Variants in SLC26A7 observed in about 807,000 individuals in gnomAD.
The protein encoded by SLC26A7 is solute carrier family 26 member 7.
In SLC26A7, 59 loss-of-function variants were observed where a neutral mutation model predicts 82.5. That is an observed-to-expected ratio of 0.72 (90% confidence interval 0.58 to 0.89). The LOEUF (loss-of-function observed/expected upper bound fraction) is 0.89, where lower values mean the gene tolerates loss of function less well. Among genes scored for constraint, SLC26A7 ranks in the 40% least tolerant of loss-of-function variants. The probability of loss-of-function intolerance (pLI) is 0.00; values close to 1 mark genes in which losing one functional copy is unlikely to be tolerated. For synonymous variants in SLC26A7, 271 were observed against 274.3 expected (o/e 0.99, Z 0.12); for missense variants, 820 against 793.0 (o/e 1.03, Z -0.41).
chr8:91,254,175 T>G (rs928615490), intron 2 of SLC26A7, among the ~76,000 whole-genome samples: 2 of 152,092 alleles, frequency 1.3e-5, no homozygotes, highest in African/African-American at 2.4e-5. Context: ...GAATAGTTTA[T>G]ATAAAAGTCC....
At chr8:91,220,367 G>GT (rs1255836831) in intron 2 of SLC26A7, among the ~76,000 whole-genome samples, 6 of 150,436 alleles carry the variant, frequency 4.0e-5, no homozygotes, top group South Asian at 2.1e-4. Context: ...AAGTGTTTTT[G>GT]TTTTTTTTCT....
intron 2 of SLC26A7, among the ~76,000 whole-genome samples, chr8:91,223,881 T>C (rs1810198249): frequency 6.6e-6 from 1 of 152,030 alleles, no homozygotes; most frequent in African/African-American, 2.4e-5. Flanking sequence ...TCCTTTTTAT[T>C]CTTTTTTTCT....
chr8:91,303,920 A>G (rs931078016), intron 4 of SLC26A7, among the ~76,000 whole-genome samples: 14 of 152,186 alleles, frequency 9.2e-5, no homozygotes, highest in African/African-American at 3.1e-4. Flanking sequence ...CTGTTTTACA[A>G]CCATTACAGC....
intron 2 of SLC26A7, among the ~76,000 whole-genome samples, chr8:91,227,812 A>G (rs544883492): frequency 2.0e-5 from 3 of 152,286 alleles, no homozygotes; most frequent in East Asian, 3.9e-4. Context: ...AGCTTCTTAC[A>G]TCTCCAGAAT....
intron 2 of SLC26A7, among the ~76,000 whole-genome samples, chr8:91,236,085 G>A (rs920000279): frequency 2.0e-5 from 3 of 152,112 alleles, no homozygotes; most frequent in Non-Finnish European, 2.9e-5. Flanking sequence ...AACAGACACT[G>A]GTCCCCAATT....
At chr8:91,321,576 A>G (rs1812791478) in intron 5 of SLC26A7, among the ~76,000 whole-genome samples, 1 of 152,190 alleles carries the variant, frequency 6.6e-6, no homozygotes, top group Non-Finnish European at 1.5e-5. Flanking sequence ...AATAACTGTC[A>G]TGACCCTACT....
intron 4 of SLC26A7, among the ~76,000 whole-genome samples, chr8:91,308,951 C>T (rs1382089548): frequency 6.6e-6 from 1 of 151,932 alleles, no homozygotes; most frequent in Non-Finnish European, 1.5e-5. Flanking sequence ...CCTGCTCAGT[C>T]CTAGAATCAG....
chr8:91,333,442 G>T (rs1473909174), intron 5 of SLC26A7, among the ~76,000 whole-genome samples: 4 of 152,138 alleles, frequency 2.6e-5, no homozygotes, highest in Admixed American at 2.6e-4. Flanking sequence ...AGGAAGTCAT[G>T]CACCCCTCCC....
intron 9 of SLC26A7, among the ~76,000 whole-genome samples, chr8:91,348,136 C>A (rs1813616769): frequency 6.6e-6 from 1 of 152,236 alleles, no homozygotes; most frequent in South Asian, 2.1e-4. Context: ...TCTCCGCATT[C>A]TAATTTGCCA....
chr8:91,369,686 T>A, intron 14 of SLC26A7, 99 bp from the exon 15 acceptor site: 1 of 865,296 alleles, frequency 1.2e-6, no homozygotes, highest in Non-Finnish European at 1.7e-6. Context: ...GAGATGAGTT[T>A]TTTTGTTATT....
intron 1 of SLC26A7, among the ~76,000 whole-genome samples, chr8:91,214,026 G>C (rs1213121827): frequency 6.6e-6 from 1 of 152,146 alleles, no homozygotes; most frequent in Admixed American, 6.5e-5. Flanking sequence ...ATGTGTTCGT[G>C]TGTGTGTGTT....
intron 2 of SLC26A7, among the ~76,000 whole-genome samples, chr8:91,264,131 C>T (rs1811045669): frequency 6.6e-6 from 1 of 152,032 alleles, no homozygotes. Context: ...GTGCCAGATG[C>T]ATTGGGCTTT....
intron 15 of SLC26A7, among the ~76,000 whole-genome samples, chr8:91,374,711 T>C (rs1814460485): frequency 6.6e-6 from 1 of 152,082 alleles, no homozygotes; most frequent in Admixed American, 6.5e-5. Flanking sequence ...TCTGTGCTTG[T>C]TATGTGAAAT....
intron 4 of SLC26A7, among the ~76,000 whole-genome samples, chr8:91,300,730 A>G (rs1228111809): frequency 6.6e-6 from 1 of 152,170 alleles, no homozygotes; most frequent in East Asian, 1.9e-4. Context: ...AAATCATATG[A>G]CTGGTGATTT....
intron 15 of SLC26A7, among the ~76,000 whole-genome samples, chr8:91,376,095 T>A (rs1172968391): frequency 1.3e-5 from 2 of 152,208 alleles, no homozygotes; most frequent in Non-Finnish European, 2.9e-5. Flanking sequence ...ATTTGGCTTT[T>A]ATAAAAATAT....
Position 91,334,333 on chromosome 8 carries a change from A to T in SLC26A7, c.681A>T (p.Arg227=). ...AYVFENIKSV[R]LEALLLSLLS... ...TTTTTGAAAACATCAAGTCTGTGCG[A>T]CTGGAAGCATTGCTTTTATCCTTGC... The change falls in exon 6 of 19, where the codon CGA becomes CGT. Residue 227 remains arginine (R), a synonymous_variant. Transcript: ENST00000276609. 6.2e-7 allele frequency: 1 copy of T among 1,613,238 alleles called. No homozygotes were observed. The highest frequency in any genetic ancestry group is 8.5e-7 in the Non-Finnish European group (1 of 1,179,470).
chr8:91,346,927 C>G (rs1438143425), intron 9 of SLC26A7, among the ~76,000 whole-genome samples: 1 of 152,166 alleles, frequency 6.6e-6, no homozygotes, highest in Non-Finnish European at 1.5e-5. Flanking sequence ...ACTGCCACTT[C>G]TGGGTCTGTC....
At chr8:91,259,437 A>C (rs1022068899) in intron 2 of SLC26A7, among the ~76,000 whole-genome samples, 2 of 152,116 alleles carry the variant, frequency 1.3e-5, no homozygotes, top group African/African-American at 4.8e-5. Context: ...CAAAGCATTT[A>C]GAATAACAAG....
Position 91,236,567 on chromosome 8 carries a change from T to TAAA in SLC26A7, c.-33-13044_-33-13042dup, listed in dbSNP as rs34866045. Among the ~76,000 whole-genome samples, 557 of 150,342 alleles carry TAAA rather than the reference T, an allele frequency of 3.7e-3. 2 individuals are homozygous for TAAA. The highest frequency in any genetic ancestry group is 4.1e-3 in the Non-Finnish European group (274 of 67,566). On this transcript the variant is annotated intron_variant, in intron 2 of 5. Coordinates refer to the SLC26A7 transcript ENST00000522862. The stretch of plus-strand genomic sequence containing the variant: ...ATAAATTCAATAACTTCTGTGCAGA[T>TAAA]AAAAAAAAAACTCACAAATTTTATC...
Sources: allele counts gnomAD v4.1 joint callset (sites outside exome capture counted in the v4.1 genomes callset), GRCh38; gene constraint gnomAD v4.1.1; transcripts MANE v1.5; gene names NCBI Gene and HGNC (gene_info 2026-07-23, HGNC 2026-07-21).